TBC1D4: variants seen among roughly 807,000 people sequenced by gnomAD.
The protein encoded by TBC1D4 is TBC1 domain family member 4.
Under a neutral mutation model 142.5 loss-of-function variants are expected in TBC1D4, and 121 were observed. The observed-to-expected ratio is 0.85, with a 90% CI of 0.73 to 0.99. The LOEUF (loss-of-function observed/expected upper bound fraction) is 0.99. Among genes scored for constraint, TBC1D4 ranks in the 50% least tolerant of loss-of-function variants. TBC1D4 has a pLI of 0.00. For missense variants in TBC1D4, 1,475 were observed against 1,606.6 expected (o/e 0.92, Z 1.40); for synonymous variants, 630 against 628.2 (o/e 1.00, Z -0.04).
chr13:75,339,091 C>A (rs994102830), intron 7 of TBC1D4, among the ~76,000 whole-genome samples: 16 of 152,198 alleles, frequency 1.1e-4, no homozygotes, highest in African/African-American at 3.4e-4. Context: ...GTGCATACAT[C>A]ATTATACCAA....
intron 1 of TBC1D4, among the ~76,000 whole-genome samples, chr13:75,475,762 T>G (rs1288726428): frequency 6.6e-6 from 1 of 152,228 alleles, no homozygotes; most frequent in Non-Finnish European, 1.5e-5. Flanking sequence ...AGGCTGTAAA[T>G]CAAGCTTTAA....
chr13:75,441,281 G>C (rs764836956), intron 1 of TBC1D4, among the ~76,000 whole-genome samples: 2 of 151,906 alleles, frequency 1.3e-5, no homozygotes, highest in Non-Finnish European at 2.9e-5. Flanking sequence ...GGGGGTACAA[G>C]GCATGATTAG....
At chr13:75,291,640 G>T (rs1172180806) in intron 19 of TBC1D4, among the ~76,000 whole-genome samples, 1 of 152,094 alleles carries the variant, frequency 6.6e-6, no homozygotes, top group African/African-American at 2.4e-5. Context: ...TCCCATTCTG[G>T]ACAACTAGGG....
intron 8 of TBC1D4, among the ~76,000 whole-genome samples, chr13:75,328,832 T>A (rs1489843354): frequency 1.3e-5 from 2 of 152,166 alleles, no homozygotes; most frequent in Non-Finnish European, 1.5e-5. Context: ...TTGCATTTCA[T>A]TTTAATTTTT....
rs1308835085 is a variant in TBC1D4 at position 75,306,308 on chromosome 13, A to G, written c.2752+5T>C. 5 of 1,606,964 alleles carry G rather than the reference A, an allele frequency of 3.1e-6. No individual in the cohort carries two copies. Among genetic ancestry groups the G allele is most frequent in the Non-Finnish European group, 4.2e-6 (5 of 1,178,336 alleles). The stretch of plus-strand genomic sequence containing the variant: ...AACAAAAATTACTGAGATTATCCCA[A>G]ATACCTTCTTTAAGAAGAGTATGAA... On this transcript the variant is annotated splice_donor_5th_base_variant and intron_variant, in intron 15 of 20. Coordinates refer to ENST00000377636, the MANE Select transcript of TBC1D4 (RefSeq NM_014832.5).
chr13:75,466,109 A>T (rs1408627563), intron 1 of TBC1D4, among the ~76,000 whole-genome samples: 1 of 152,132 alleles, frequency 6.6e-6, no homozygotes, highest in East Asian at 1.9e-4. Context: ...GGTCACTCCT[A>T]TTTGTCTCAG....
chr13:75,392,606 T>G (rs1431061165), intron 1 of TBC1D4, among the ~76,000 whole-genome samples: 1 of 145,776 alleles, frequency 6.9e-6, no homozygotes, highest in African/African-American at 2.5e-5. Context: ...CCTCCCCTTC[T>G]TCCCCCTCCT....
intron 1 of TBC1D4, among the ~76,000 whole-genome samples, chr13:75,460,260 A>G (rs1887911678): frequency 6.6e-6 from 1 of 152,222 alleles, no homozygotes; most frequent in African/African-American, 2.4e-5. Context: ...TAGTGAAGAG[A>G]GGCTTACAAA....
chr13:75,320,933 A>G (rs1203149537), intron 11 of TBC1D4, among the ~76,000 whole-genome samples: 5 of 150,596 alleles, frequency 3.3e-5, no homozygotes, highest in African/African-American at 9.8e-5. Context: ...CCAGCTACTC[A>G]GGAGGCTGAG....
intron 1 of TBC1D4, among the ~76,000 whole-genome samples, chr13:75,423,896 T>C (rs905346910): frequency 2.0e-5 from 3 of 152,212 alleles, no homozygotes; most frequent in Non-Finnish European, 1.5e-5. Context: ...TTCTGGAGAC[T>C]GCACAACAAT....
intron 1 of TBC1D4, among the ~76,000 whole-genome samples, chr13:75,460,097 C>T (rs563864573): frequency 2.6e-5 from 4 of 152,052 alleles, no homozygotes; most frequent in South Asian, 2.1e-4. Context: ...GAGCCGAGAT[C>T]GCGCCACTGC....
chr13:75,416,654 T>C (rs186620423), intron 1 of TBC1D4, among the ~76,000 whole-genome samples: 3 of 152,234 alleles, frequency 2.0e-5, no homozygotes, highest in Non-Finnish European at 4.4e-5. Flanking sequence ...CTACATCTTA[T>C]GCCAGCCCTG....
chr13:75,351,364 AATCCT>A lies in TBC1D4; in HGVS notation c.1276-2067_1276-2063del, dbSNP rs1256415775. Among the ~76,000 whole-genome samples the A allele has an allele frequency of 6.6e-5, 10 of 152,234 alleles. No homozygotes were observed. In the East Asian group the frequency reaches 1.7e-3, roughly 26 times the overall value. ...AAATTATCCAATAAAGAATGGCATC[AATCCT>A]ATTTTTTTGGGGGGGTATATATATA... is the stretch of plus-strand genomic sequence containing the variant. On this transcript the variant is annotated intron_variant, in intron 4 of 20. Transcript: ENST00000377636.
chr13:75,317,112 G>T (rs1171157167), intron 12 of TBC1D4, among the ~76,000 whole-genome samples: 2 of 152,278 alleles, frequency 1.3e-5, no homozygotes, highest in Non-Finnish European at 2.9e-5. Flanking sequence ...CAGTCACACG[G>T]ATAATAAAGT....
rs771986670 is a variant in TBC1D4, at chr13:75,284,164, C to T, written c.*2628G>A. Among the ~76,000 whole-genome samples the T allele has an allele frequency of 5.9e-5, 9 of 152,202 alleles. No individual in the cohort carries two copies. The highest frequency in any genetic ancestry group is 1.3e-4 in the Admixed American group (2 of 15,274). ...ATCTTGTAAAGCAGCGGTCTTCAAC[C>T]TTCTTGACACCAGGGACTGGTTTCA... On this transcript the variant is annotated 3_prime_UTR_variant, in exon 21 of 21. Coordinates refer to ENST00000377636, the MANE Select transcript of TBC1D4 (RefSeq NM_014832.5).
Position 75,416,388 on chromosome 13 carries a change from T to G in TBC1D4, c.499-53781A>C, listed in dbSNP as rs938581564. Among the ~76,000 whole-genome samples, 3 of 152,302 alleles carry G rather than the reference T, an allele frequency of 2.0e-5. No individual in the cohort carries two copies. The East Asian group carries it at 5.8e-4, about 29-fold the overall frequency. ...TAATGAAAATTATATTTGGCCTAAT[T>G]TTGCAAACCGTTTATTCAACAAATA... is the stretch of plus-strand genomic sequence containing the variant. On this transcript the variant is annotated intron_variant, in intron 1 of 20. Transcript: ENST00000377636.
At chr13:75,421,421 C>G (rs1269006819) in intron 1 of TBC1D4, among the ~76,000 whole-genome samples, 3 of 152,202 alleles carry the variant, frequency 2.0e-5, no homozygotes, top group Admixed American at 2.0e-4. Flanking sequence ...GTCACACTCA[C>G]CTTTGCAACC....
intron 1 of TBC1D4, among the ~76,000 whole-genome samples, chr13:75,406,102 A>G (rs1885327476): frequency 6.6e-6 from 1 of 152,240 alleles, no homozygotes; most frequent in African/African-American, 2.4e-5. Flanking sequence ...AAACAGCTGC[A>G]GTGTTTAAAA....
At position 75,373,592 on chromosome 13, in the gene TBC1D4, C is replaced by T. The variant is rs145578078; in HGVS notation, c.499-10985G>A. On this transcript the variant is annotated intron_variant, in intron 1 of 20. Coordinates refer to ENST00000377636, the MANE Select transcript of TBC1D4 (RefSeq NM_014832.5). ...CATATTGGAGCTCTAAATGCACAACCTCCAACCCTCACAGTAGAGGTCAAC... is the reference window on the plus strand; with the variant it reads ...CATATTGGAGCTCTAAATGCACAACTTCCAACCCTCACAGTAGAGGTCAAC... 2.6e-3 allele frequency among the ~76,000 whole-genome samples: 393 copies of T among 152,290 alleles called. 1 individual carries two copies. Among genetic ancestry groups the T allele is most frequent in the Non-Finnish European group, 3.9e-3 (266 of 68,024 alleles).
Sources: allele counts gnomAD v4.1 joint callset (sites outside exome capture counted in the v4.1 genomes callset), GRCh38; gene constraint gnomAD v4.1.1; transcripts MANE v1.5; gene names NCBI Gene and HGNC (gene_info 2026-07-23, HGNC 2026-07-21).